Variants in OSMR observed in about 807,000 individuals in gnomAD.
The protein encoded by OSMR is oncostatin M receptor.
Under a neutral mutation model 99.9 loss-of-function variants are expected in OSMR, and 81 were observed. The observed-to-expected ratio is 0.81, with a 90% CI of 0.68 to 0.97. The LOEUF (loss-of-function observed/expected upper bound fraction) is 0.97, where lower values mean the gene tolerates loss of function less well. OSMR is among the 50% of genes least tolerant of loss of function. The pLI, the probability that OSMR is intolerant of heterozygous loss-of-function variation, is 0.00. For missense variants in OSMR, 1,099 were observed against 1,153.4 expected (o/e 0.95, Z 0.68); for synonymous variants, 406 against 410.4 (o/e 0.99, Z 0.13).
chr5:38,872,557 TA>T (rs1742469539), intron 2 of OSMR, among the ~76,000 whole-genome samples: 1 of 152,222 alleles, frequency 6.6e-6, no homozygotes. Context: ...CATTCTGAGG[TA>T]TGATTATAGT....
At position 38,856,572 on chromosome 5, in the gene OSMR, C is replaced by T. The variant is rs553083803; in HGVS notation, c.-14+10185C>T. On this transcript the variant is annotated intron_variant, in intron 1 of 17. Coordinates refer to ENST00000274276, the MANE Select transcript of OSMR (RefSeq NM_003999.3). ...AGGGAATCTGAGCACAAAAGCTAAC[C>T]TTCTAGGATTCATAGCCTGACATAT... 6.6e-5 allele frequency among the ~76,000 whole-genome samples: 10 copies of T among 152,308 alleles called. 1 individual carries two copies. Among genetic ancestry groups the T allele is most frequent in the African/African-American group, 2.4e-4 (10 of 41,580 alleles).
At chr5:38,919,509 CA>C in intron 11 of OSMR, 1 of 410,278 alleles carries the variant, frequency 2.4e-6, no homozygotes, top group Middle Eastern at 9.0e-4. Flanking sequence ...CATCAACTTT[CA>C]CCACAGACTC....
At chr5:38,877,492 A>G (rs764154595) in intron 3 of OSMR, among the ~76,000 whole-genome samples, 1 of 152,248 alleles carries the variant, frequency 6.6e-6, no homozygotes. Flanking sequence ...TTTCAACAAC[A>G]GCAATACTTC....
downstream of OSMR, chr5:38,945,395 ACT>A: frequency 2.5e-6 from 2 of 788,914 alleles, no homozygotes; most frequent in South Asian, 1.7e-5. Context: ...CAGCTGGGAA[ACT>A]CTGAATTAGA....
At chr5:38,849,907 A>G (rs1740221226) in intron 1 of OSMR, among the ~76,000 whole-genome samples, 1 of 152,236 alleles carries the variant, frequency 6.6e-6, no homozygotes, top group Non-Finnish European at 1.5e-5. Context: ...TAATAAATGC[A>G]TGTACGTCAC....
chr5:38,852,561 T>C (rs1014484376), intron 1 of OSMR, among the ~76,000 whole-genome samples: 3 of 151,098 alleles, frequency 2.0e-5, no homozygotes, highest in Admixed American at 6.6e-5. Flanking sequence ...TCTTGCCAAG[T>C]TTTTTGTAGG....
chr5:38,920,554 G>A (rs1746181781), intron 11 of OSMR, among the ~76,000 whole-genome samples: 2 of 152,154 alleles, frequency 1.3e-5, no homozygotes, highest in Admixed American at 6.5e-5. Flanking sequence ...GATCTATAAA[G>A]CCCTCATGGG....
At chr5:38,877,651 G>T (rs1290251073) in intron 3 of OSMR, among the ~76,000 whole-genome samples, 4 of 152,144 alleles carry the variant, frequency 2.6e-5, no homozygotes, top group Non-Finnish European at 5.9e-5. Context: ...TGAGACTAAG[G>T]ATTATCTACA....
chr5:38,929,707 G>C (rs1269062058), intron 15 of OSMR, among the ~76,000 whole-genome samples: 2 of 152,032 alleles, frequency 1.3e-5, no homozygotes, highest in African/African-American at 4.8e-5. Context: ...TCATTCCTAG[G>C]TATATATGCC....
At chr5:38,855,080 CGGGGCTGCA>C (rs1740736834) in intron 1 of OSMR, among the ~76,000 whole-genome samples, 2 of 152,234 alleles carry the variant, frequency 1.3e-5, no homozygotes, top group African/African-American at 4.8e-5. Flanking sequence ...GAGACTGTGT[CGGGGCTGCA>C]GGGGCTGTGC....
chr5:38,863,220 G>GGGGAGA lies in OSMR; in HGVS notation c.-13-5810_-13-5805dup, dbSNP rs1561341445. On this transcript the variant is annotated intron_variant, in intron 1 of 17. Coordinates refer to ENST00000274276, the MANE Select transcript of OSMR (RefSeq NM_003999.3). ...GGGGGAGGGGGAGGGGGAGGGGGAG[G>GGGGAGA]GGGAGAGATGATTTTGGTTTTTAAA... 4.3e-5 allele frequency among the ~76,000 whole-genome samples: 4 copies of GGGGAGA among 92,640 alleles called. 1 individual carries two copies. Among genetic ancestry groups the GGGGAGA allele is most frequent in the African/African-American group, 1.7e-4 (4 of 23,428 alleles). 60.8% of individuals were successfully genotyped at this position (92,640 alleles called of 152,430 possible).
At position 38,926,384 on chromosome 5, in the gene OSMR, G is replaced by A. The variant is rs558852122; in HGVS notation, c.2212+1013G>A. Among the ~76,000 whole-genome samples the A allele has an allele frequency of 2.6e-5, 4 of 152,202 alleles. No individual in the cohort carries two copies. In the East Asian group the frequency reaches 7.7e-4, roughly 29 times the overall value. On this transcript the variant is annotated intron_variant, in intron 15 of 17. Transcript: ENST00000274276. Reference sequence around the variant, plus strand: ...TACTATAAAGAACTGCCTGAGAGGGGGTAATTTATAAAGGAAAGAGGTTTA... The same window carrying A: ...TACTATAAAGAACTGCCTGAGAGGGAGTAATTTATAAAGGAAAGAGGTTTA...
At chr5:38,895,141 A>G (rs1056447062) in intron 7 of OSMR, among the ~76,000 whole-genome samples, 10 of 152,252 alleles carry the variant, frequency 6.6e-5, no homozygotes, top group African/African-American at 2.4e-4. Flanking sequence ...CTGCATCAAG[A>G]AGTTAGAAAG....
chr5:38,908,169 A>C (rs1745362278), intron 9 of OSMR, among the ~76,000 whole-genome samples: 1 of 152,096 alleles, frequency 6.6e-6, no homozygotes, highest in Non-Finnish European at 1.5e-5. Context: ...TCCCAGTGCC[A>C]CCACAACTGC....
At chr5:38,865,963 A>T (rs1741905447) in intron 1 of OSMR, among the ~76,000 whole-genome samples, 1 of 152,106 alleles carries the variant, frequency 6.6e-6, no homozygotes, top group Non-Finnish European at 1.5e-5. Context: ...GGCAGTGATG[A>T]TGGCAGGCTC....
chr5:38,931,373 G>A (rs1332022661), intron 15 of OSMR, among the ~76,000 whole-genome samples: 1 of 152,142 alleles, frequency 6.6e-6, no homozygotes, highest in South Asian at 2.1e-4. Context: ...TTTGTTTCAC[G>A]CATCTTCATT....
chr5:38,896,445 A>T (rs553664244), intron 7 of OSMR, among the ~76,000 whole-genome samples: 2 of 151,528 alleles, frequency 1.3e-5, no homozygotes, highest in Admixed American at 6.6e-5. Flanking sequence ...TCTTTTTCAA[A>T]TTTTTTGCTG....
Position 38,886,134 on chromosome 5 carries a change from C to T in OSMR, c.935C>T (p.Ala312Val). The change falls in exon 7 of 18, where the codon GCT becomes GTT. Residue 312 changes from alanine to valine, a missense_variant. Ala to Val is a moderately conservative substitution (Grantham distance 64). Transcript: ENST00000274276. Reference protein sequence around the residue: ...SQETYNFTLIAENYLRKRSVN... With the variant: ...SQETYNFTLIVENYLRKRSVN... ...GAAACCTATAACTTCACACTCATAG[C>T]TGAAAATTACTTAAGGAAGAGAAGT... 1 of 1,614,034 alleles carries T rather than the reference C, an allele frequency of 6.2e-7. No individual in the cohort carries two copies. Among genetic ancestry groups the T allele is most frequent in the Non-Finnish European group, 8.5e-7 (1 of 1,179,924 alleles).
Position 38,876,257 on chromosome 5 carries a change from A to G in OSMR, c.130A>G (p.Thr44Ala), listed in dbSNP as rs894212386. 5 of 1,613,812 alleles carry G rather than the reference A, an allele frequency of 3.1e-6. No individual in the cohort carries two copies. Among genetic ancestry groups the G allele is most frequent in the Non-Finnish European group, 4.2e-6 (5 of 1,179,818 alleles). Residue 44 changes from threonine to alanine, a missense_variant, in exon 3 of 18, where the codon ACG (threonine) becomes GCG (alanine). Thr to Ala is a moderately conservative substitution (Grantham distance 58). Transcript: ENST00000274276. ...PVSLKVSTNSTRQSLHLQWTV... is the reference protein window; with the variant it reads ...PVSLKVSTNSARQSLHLQWTV... ...ATCACTTAAAGTTTCCACCAATTCT[A>G]CGCGTCAGAGTTTGCACTTACAATG...
Sources: allele counts gnomAD v4.1 joint callset (sites outside exome capture counted in the v4.1 genomes callset), GRCh38; gene constraint gnomAD v4.1.1; transcripts MANE v1.5; gene names NCBI Gene and HGNC (gene_info 2026-07-23, HGNC 2026-07-21).